The following ATP1B4 variants were observed in gnomAD, a reference collection of about 807,000 sequenced individuals.
The protein encoded by ATP1B4 is protein ATP1B4.
In ATP1B4, 32 loss-of-function variants were observed where a neutral mutation model predicts 29.6. That is an observed-to-expected ratio of 1.08 (90% CI 0.82 to 1.45). ATP1B4 has a LOEUF of 1.45. Among genes scored for constraint, ATP1B4 ranks in the 40% most tolerant of loss-of-function variants. ATP1B4 has a pLI of 0.00. For synonymous variants in ATP1B4, 127 were observed against 102.1 expected, an observed-to-expected ratio of 1.24 and a Z score of -1.47; for missense variants, 323 against 276.2, an observed-to-expected ratio of 1.17 and a Z score of -1.20.
intron 1 of ATP1B4, among the ~76,000 whole-genome samples, chrX:120,363,861 A>G (rs780444953): frequency 1.8e-5 from 2 of 112,089 alleles, no homozygotes; most frequent in Non-Finnish European, 3.8e-5. Flanking sequence ...AGGATTTTCT[A>G]TTGGATTTTG....
At chrX:120,364,344 G>T (rs933607454) in intron 1 of ATP1B4, among the ~76,000 whole-genome samples, 27 of 112,071 alleles carry the variant, frequency 2.4e-4, no homozygotes, top group African/African-American at 8.4e-4. Context: ...GGCCATGATT[G>T]CTACCCACTG....
chrX:120,375,977 T>C (rs1252530584), intron 5 of ATP1B4, among the ~76,000 whole-genome samples: 1 of 111,860 alleles, frequency 8.9e-6, no homozygotes, highest in Non-Finnish European at 1.9e-5. Context: ...AATGGAATAC[T>C]GAGCTGTTTG....
chrX:120,362,146 G>A lies in ATP1B4; in HGVS notation c.-23G>A, dbSNP rs1182215635. The A allele has an allele frequency of 2.5e-6, 3 of 1,203,200 alleles. No homozygotes were observed. Among genetic ancestry groups the A allele is most frequent in the East Asian group, 3.0e-5 (1 of 33,785 alleles). On this transcript the variant is annotated 5_prime_UTR_variant, in exon 1 of 8. Coordinates refer to ENST00000218008, the MANE Select transcript of ATP1B4 (RefSeq NM_001142447.3). Reference sequence around the variant, plus strand: ...TCTCACCCGATTGCCTGCCTCTGCTGCGTCTTTGCCCACTGAACAGCCATG... The same window carrying A: ...TCTCACCCGATTGCCTGCCTCTGCTACGTCTTTGCCCACTGAACAGCCATG...
At position 120,382,133 on chromosome X, in the gene ATP1B4, T is replaced by G. The variant is rs1215032790; in HGVS notation, c.*2499T>G. 9.0e-6 allele frequency: 1 copy of G among 111,541 alleles called. No homozygotes were observed. The highest frequency in any genetic ancestry group is 1.9e-5 in the Non-Finnish European group (1 of 53,095). 9.2% of individuals were successfully genotyped at this position (111,541 alleles called of 1,213,427 possible). A position where few individuals can be genotyped will look rare whatever the true frequency, so the allele number is the denominator to read the frequency against. ...GTCATGTAAACATACTATACCAATC[T>G]AGTCCCTAACAGTGTTTTTTCTCTT... On this transcript the variant is annotated 3_prime_UTR_variant, in exon 8 of 8. Coordinates refer to ENST00000218008, the MANE Select transcript of ATP1B4 (RefSeq NM_001142447.3).
chrX:120,376,417 A>G lies in ATP1B4; in HGVS notation c.797A>G (p.Lys266Arg), dbSNP rs200701171. Residue 266 changes from lysine (K) to arginine (R), a missense_variant, in exon 6 of 8, where the codon AAG (lysine) becomes AGG (arginine). Coordinates refer to ENST00000218008, the MANE Select transcript of ATP1B4 (RefSeq NM_001142447.3). ...GFRPELGDPV[K>R]VSCKVQRGDE... Reference sequence around the variant, plus strand: ...CGTCCTGAGCTTGGAGATCCTGTGAAGGTTTCCTGCAAAGTTCAGGTAAAG... The same window carrying G: ...CGTCCTGAGCTTGGAGATCCTGTGAGGGTTTCCTGCAAAGTTCAGGTAAAG... 5.0e-6 allele frequency: 6 copies of G among 1,208,761 alleles called. No individual in the cohort carries two copies. Among genetic ancestry groups the G allele is most frequent in the Non-Finnish European group, 6.7e-6 (6 of 894,128 alleles).
Position 120,362,091 on chromosome X carries a change from T to C in ATP1B4, c.-78T>C. 1 of 926,167 alleles carries C rather than the reference T, an allele frequency of 1.1e-6. No individual in the cohort carries two copies. The highest frequency in any genetic ancestry group is 1.6e-6 in the Non-Finnish European group (1 of 638,306). 76.3% of individuals were successfully genotyped at this position (926,167 alleles called of 1,213,427 possible). Reference sequence around the variant, plus strand: ...GGCGCCAAGTGTCCCCAGCAACCAGTGTCTCCTGTACCAGCAGAAGCTCCA... The same window carrying C: ...GGCGCCAAGTGTCCCCAGCAACCAGCGTCTCCTGTACCAGCAGAAGCTCCA... On this transcript the variant is annotated 5_prime_UTR_variant, in exon 1 of 8. Coordinates refer to ENST00000218008, the MANE Select transcript of ATP1B4 (RefSeq NM_001142447.3).
intron 4 of ATP1B4, among the ~76,000 whole-genome samples, chrX:120,372,427 G>C (rs1357020108): frequency 2.7e-5 from 3 of 112,118 alleles, no homozygotes; most frequent in Non-Finnish European, 5.6e-5. Flanking sequence ...CTTTAACTCT[G>C]CATAATAAAG....
At chrX:120,374,774 AAT>A (rs1341711659) in intron 4 of ATP1B4, among the ~76,000 whole-genome samples, 2 of 1,186 alleles carry the variant, frequency 1.7e-3, no homozygotes, top group African/African-American at 2.7e-3. Context: ...ATATATATAT[AAT>A]ATATATATAT....
In ATP1B4 at chrX:120,366,601, T is replaced by C; in HGVS notation, c.140T>C (p.Val47Ala). 1 of 1,201,824 alleles carries C rather than the reference T, an allele frequency of 8.3e-7. No individual in the cohort carries two copies. The highest frequency in any genetic ancestry group is 1.7e-5 in the African/African-American group (1 of 57,203). The change falls in exon 2 of 8, where the codon GTG becomes GCG. Residue 47 changes from valine (V) to alanine (A), a missense_variant. Transcript: ENST00000218008. The stretch of plus-strand genomic sequence containing the variant: ...GCAGAAGAAGAGGCTCGGGTGACGG[T>C]GGTGCCCAAATCGGAGGAGGAGGAA... ...EEAEEEARVT[V>A]VPKSEEEEEE...
chrX:120,380,343 C>T lies in ATP1B4; in HGVS notation c.*709C>T, dbSNP rs761103916. The stretch of plus-strand genomic sequence containing the variant: ...ATCCTGGTGCCTAAGAAACTTCTGC[C>T]TCCCACAGACAACTAAGTGCTTATT... On this transcript the variant is annotated 3_prime_UTR_variant, in exon 8 of 8. Transcript: ENST00000218008. 8.9e-6 allele frequency: 1 copy of T among 112,043 alleles called. No individual in the cohort carries two copies. The highest frequency in any genetic ancestry group is 1.9e-5 in the Non-Finnish European group (1 of 53,234). The allele number at this position is 112,043 out of a possible 1,213,427, so 9.2% of individuals were successfully genotyped here.
At chrX:120,362,543 G>A in intron 1 of ATP1B4, among the ~76,000 whole-genome samples, 1 of 111,954 alleles carries the variant, frequency 8.9e-6, no homozygotes, top group Middle Eastern at 4.6e-3. Flanking sequence ...ACCTTTTGGA[G>A]TATAAAAGTT....
Position 120,362,129 on chromosome X carries a change from G to A in ATP1B4, c.-40G>A, listed in dbSNP as rs191656092. ...AGCAGAAGCTCCAGAACTCTCACCCGATTGCCTGCCTCTGCTGCGTCTTTG... is the reference window on the plus strand; with the variant it reads ...AGCAGAAGCTCCAGAACTCTCACCCAATTGCCTGCCTCTGCTGCGTCTTTG... On this transcript the variant is annotated 5_prime_UTR_variant, in exon 1 of 8. Transcript: ENST00000218008. 3.9e-5 allele frequency: 46 copies of A among 1,170,307 alleles called. No individual in the cohort carries two copies. The highest frequency in any genetic ancestry group is 2.7e-4 in the Middle Eastern group (1 of 3,673).
At chrX:120,370,919 A>G (rs1358606669) in intron 3 of ATP1B4, 76 bp downstream of exon 3, 4 of 1,139,733 alleles carry the variant, frequency 3.5e-6, no homozygotes, top group Non-Finnish European at 4.7e-6. Flanking sequence ...TTCAGCCTCA[A>G]TTAACTTTGG....
intron 2 of ATP1B4, among the ~76,000 whole-genome samples, chrX:120,368,015 G>A (rs765449921): frequency 3.6e-5 from 4 of 111,958 alleles, no homozygotes; most frequent in Non-Finnish European, 5.6e-5. Flanking sequence ...TGCCTAAAGA[G>A]GACTGGAAAA....
rs1427148759 is a variant in ATP1B4 at position 120,380,172 on chromosome X, G to C, written c.*538G>C. ...TTGAGCCCAGGAGGTCAAGGCTGCA[G>C]TGAGCTGCACTGCATTCCAGCCTGG... On this transcript the variant is annotated 3_prime_UTR_variant, in exon 8 of 8. Coordinates refer to ENST00000218008, the MANE Select transcript of ATP1B4 (RefSeq NM_001142447.3). 1.8e-5 allele frequency: 2 copies of C among 110,444 alleles called. No individual in the cohort carries two copies. Among genetic ancestry groups the C allele is most frequent in the Admixed American group, 9.7e-5 (1 of 10,316 alleles). 9.1% of individuals were successfully genotyped at this position (110,444 alleles called of 1,213,427 possible).
Position 120,366,804 on chromosome X carries a change from T to A in ATP1B4, c.328+15T>A. ...TCAGAGTTGGAGTAAGTCCCAATAG[T>A]CCCAATGCCAAAGTCTGGTGTCCTT... On this transcript the variant is annotated intron_variant, in intron 2 of 7. Transcript: ENST00000218008. 8.3e-7 allele frequency: 1 copy of A among 1,200,026 alleles called. No individual in the cohort carries two copies. Among genetic ancestry groups the A allele is most frequent in the Non-Finnish European group, 1.1e-6 (1 of 887,094 alleles).
At chrX:120,362,822 G>C (rs1197639801) in intron 1 of ATP1B4, among the ~76,000 whole-genome samples, 1 of 111,899 alleles carries the variant, frequency 8.9e-6, no homozygotes, top group Admixed American at 9.5e-5. Context: ...GTTAGTGGAG[G>C]AGCCAAAGTG....
chrX:120,376,478 T>C (rs1408739531), intron 6 of ATP1B4, 42 bp downstream of exon 6: 1 of 1,131,184 alleles, frequency 8.8e-7, no homozygotes, highest in Admixed American at 2.2e-5. Flanking sequence ...CACATCTGTT[T>C]CATGCAAAAA....
At position 120,362,143 on chromosome X, in the gene ATP1B4, G is replaced by C; in HGVS notation, c.-26G>C. On this transcript the variant is annotated 5_prime_UTR_variant, in exon 1 of 8. Coordinates refer to ENST00000218008, the MANE Select transcript of ATP1B4 (RefSeq NM_001142447.3). ...AACTCTCACCCGATTGCCTGCCTCTGCTGCGTCTTTGCCCACTGAACAGCC... is the reference window on the plus strand; with the variant it reads ...AACTCTCACCCGATTGCCTGCCTCTCCTGCGTCTTTGCCCACTGAACAGCC... The C allele has an allele frequency of 2.5e-6, 3 of 1,200,416 alleles. No homozygotes were observed. The highest frequency in any genetic ancestry group is 2.3e-6 in the Non-Finnish European group (2 of 885,635).
Sources: gnomAD v4.1 joint callset for allele counts (sites outside exome capture counted in the v4.1 genomes callset) on GRCh38, gnomAD v4.1.1 for gene constraint, MANE v1.5 for transcripts, NCBI Gene and HGNC (gene_info 2026-07-23, HGNC 2026-07-21) for gene names.